Variants in SIPA1L3 observed in about 807,000 individuals in gnomAD.
The protein encoded by SIPA1L3 is signal-induced proliferation-associated 1-like protein 3.
A neutral mutation model predicts 150.1 loss-of-function variants in SIPA1L3; 59 were observed. That is an observed-to-expected ratio of 0.39 (90% confidence interval 0.32 to 0.49). The LOEUF is 0.49. Ranked by LOEUF, SIPA1L3 falls within the 20% of genes least tolerant of loss-of-function variation. The pLI is 0.86. For synonymous variants in SIPA1L3, 1,070 were observed against 1,077.6 expected (o/e 0.99, Z 0.14); for missense variants, 2,211 against 2,489.5 (o/e 0.89, Z 2.38).
At chr19:38,015,653 G>A (rs1208923261) in intron 1 of SIPA1L3, among the ~76,000 whole-genome samples, 1 of 149,112 alleles carries the variant, frequency 6.7e-6, no homozygotes, top group Non-Finnish European at 1.5e-5. Context: ...GAGCCTGGGA[G>A]GTCAAGGTTG....
chr19:38,081,150 A>G (rs1392479285), intron 2 of SIPA1L3, 106 bp from the exon 3 acceptor site: 2 of 398,974 alleles, frequency 5.0e-6, no homozygotes, highest in Admixed American at 4.3e-5. Context: ...CCATAATAAA[A>G]AGATTTTTTA....
At position 38,201,936 on chromosome 19, in the gene SIPA1L3, G is replaced by A; in HGVS notation, c.5059G>A (p.Val1687Ile). ...SPDIPPAHSPVHSHLSLERGP... is the reference protein window; with the variant it reads ...SPDIPPAHSPIHSHLSLERGP... ...GGACATCCCGCCTGCACACAGTCCT[G>A]TCCACAGCCACCTGAGCCTGGAGAG... Residue 1687 changes from valine to isoleucine, a missense_variant, in exon 20 of 22, where the codon GTC becomes ATC. Coordinates refer to ENST00000222345, the MANE Select transcript of SIPA1L3 (RefSeq NM_015073.3). The A allele has an allele frequency of 1.2e-6, 2 of 1,613,918 alleles. No homozygotes were observed. Among genetic ancestry groups the A allele is most frequent in the Non-Finnish European group, 1.7e-6 (2 of 1,179,948 alleles).
intron 1 of SIPA1L3, among the ~76,000 whole-genome samples, chr19:37,983,670 C>A (rs559651097): frequency 1.3e-5 from 2 of 152,132 alleles, no homozygotes; most frequent in East Asian, 3.9e-4. Flanking sequence ...TCTTGGGAGG[C>A]TGAAGTGGGT....
chr19:38,101,696 C>A (rs1049504739), intron 6 of SIPA1L3, among the ~76,000 whole-genome samples: 1 of 152,178 alleles, frequency 6.6e-6, no homozygotes, highest in African/African-American at 2.4e-5. Context: ...CAGGCATGAG[C>A]CACCACGCCT....
intron 1 of SIPA1L3, among the ~76,000 whole-genome samples, chr19:37,952,267 A>G (rs1270389171): frequency 6.6e-6 from 1 of 152,154 alleles, no homozygotes; most frequent in African/African-American, 2.4e-5. Flanking sequence ...GAGCCAAAAC[A>G]TTGGCCCTTT....
intron 15 of SIPA1L3, among the ~76,000 whole-genome samples, chr19:38,181,212 GA>G (rs750654671): frequency 6.6e-6 from 1 of 152,218 alleles, no homozygotes; most frequent in Non-Finnish European, 1.5e-5. Flanking sequence ...TCGGAGTACT[GA>G]AATGGTCATT....
At chr19:38,146,880 G>A (rs773515532) in intron 12 of SIPA1L3, among the ~76,000 whole-genome samples, 13 of 152,016 alleles carry the variant, frequency 8.6e-5, no homozygotes, top group East Asian at 1.9e-4. Flanking sequence ...GTGCCTGTGC[G>A]TGTCTTTTGT....
chr19:38,080,822 T>C (rs529495232), intron 2 of SIPA1L3, among the ~76,000 whole-genome samples: 7 of 151,838 alleles, frequency 4.6e-5, no homozygotes, highest in Admixed American at 1.3e-4. Context: ...ATAAGAAAAA[T>C]TAGCCGGGCA....
At chr19:38,133,326 G>A (rs1017672337) in intron 10 of SIPA1L3, among the ~76,000 whole-genome samples, 5 of 152,236 alleles carry the variant, frequency 3.3e-5, no homozygotes, top group African/African-American at 9.6e-5. Flanking sequence ...GTTTGCAGAC[G>A]AGTGCCATCT....
intron 15 of SIPA1L3, among the ~76,000 whole-genome samples, chr19:38,166,358 G>A (rs1972211123): frequency 6.6e-6 from 1 of 151,764 alleles, no homozygotes; most frequent in South Asian, 2.1e-4. Flanking sequence ...TTGGGAGGCT[G>A]AGGCAGGAGA....
chr19:38,092,648 GCT>G (rs1970285401), intron 4 of SIPA1L3, among the ~76,000 whole-genome samples: 1 of 152,116 alleles, frequency 6.6e-6, no homozygotes, highest in Non-Finnish European at 1.5e-5. Flanking sequence ...ACAGACATTT[GCT>G]CAGCGTTCCC....
At chr19:38,116,546 G>GA (rs1970887911) in intron 8 of SIPA1L3, among the ~76,000 whole-genome samples, 1 of 135,430 alleles carries the variant, frequency 7.4e-6, no homozygotes, top group African/African-American at 3.2e-5. Flanking sequence ...AAAAAAGAAA[G>GA]AAAGAAAAGA....
At chr19:38,166,004 C>A (rs1199248715) in intron 15 of SIPA1L3, among the ~76,000 whole-genome samples, 1 of 151,922 alleles carries the variant, frequency 6.6e-6, no homozygotes, top group Non-Finnish European at 1.5e-5. Flanking sequence ...CTAAAGGGAT[C>A]CTCCCACCTC....
At chr19:37,956,398 A>G (rs571000342) in intron 1 of SIPA1L3, among the ~76,000 whole-genome samples, 14 of 152,216 alleles carry the variant, frequency 9.2e-5, no homozygotes, top group African/African-American at 2.9e-4. Context: ...TGTTCTGGAT[A>G]ACACTCATCA....
rs541890881 is a variant in SIPA1L3, at chr19:37,999,525, C to T, written c.-378-29564C>T. Among the ~76,000 whole-genome samples the T allele has an allele frequency of 8.5e-5, 13 of 152,260 alleles. No individual in the cohort carries two copies. In the East Asian group the frequency reaches 2.3e-3, roughly 27 times the overall value. ...GTGGGCTGGGTTTTCCAGCGCTGAA[C>T]GTGCTCTTCATTCCGCTGCCTGTGG... On this transcript the variant is annotated intron_variant, in intron 1 of 21. Coordinates refer to ENST00000222345, the MANE Select transcript of SIPA1L3 (RefSeq NM_015073.3).
intron 5 of SIPA1L3, among the ~76,000 whole-genome samples, chr19:38,100,404 T>C (rs1426705880): frequency 1.3e-5 from 2 of 152,164 alleles, no homozygotes; most frequent in Admixed American, 1.3e-4. Flanking sequence ...TGCATGCATA[T>C]ATGTGTCTAT....
At chr19:38,159,128 C>G (rs1056206648) in intron 13 of SIPA1L3, among the ~76,000 whole-genome samples, 1 of 152,230 alleles carries the variant, frequency 6.6e-6, no homozygotes, top group Non-Finnish European at 1.5e-5. Context: ...GACAAAGAGG[C>G]CAGCCTCCCC....
At chr19:37,946,169 AAT>A (rs1183633310) in intron 1 of SIPA1L3, among the ~76,000 whole-genome samples, 2 of 143,870 alleles carry the variant, frequency 1.4e-5, no homozygotes, top group East Asian at 2.0e-4. Flanking sequence ...AAAAAAAAAT[AAT>A]AATAATAATA....
chr19:37,909,878 A>G (rs947131988), intron 1 of SIPA1L3, among the ~76,000 whole-genome samples: 5 of 151,884 alleles, frequency 3.3e-5, no homozygotes, highest in African/African-American at 1.2e-4. Flanking sequence ...TTGTGATTTC[A>G]TTTGATGATA....
Sources: allele counts gnomAD v4.1 joint callset (sites outside exome capture counted in the v4.1 genomes callset), GRCh38; gene constraint gnomAD v4.1.1; transcripts MANE v1.5; gene names NCBI Gene and HGNC (gene_info 2026-07-23, HGNC 2026-07-21).